Variants in ABRACL observed in about 807,000 individuals in gnomAD.
ABRACL encodes costars family protein ABRACL.
ABRACL carries 4 observed loss-of-function variants against 7.0 expected under a neutral mutation model. The ratio of observed to expected loss-of-function variants is 0.57; its 90% confidence interval spans 0.28 to 1.30. ABRACL has a LOEUF of 1.30. Among genes scored for constraint, ABRACL ranks in the 50% most tolerant of loss-of-function variants. ABRACL has a pLI of 0.10. For missense variants in ABRACL, 104 were observed against 97.3 expected (o/e 1.07, Z -0.29); for synonymous variants, 30 against 36.0 (o/e 0.83, Z 0.60).
intron 2 of ABRACL, among the ~76,000 whole-genome samples, chr6:139,040,663 A>G (rs1382271581): frequency 1.3e-5 from 2 of 152,186 alleles, no homozygotes; most frequent in Non-Finnish European, 2.9e-5. Flanking sequence ...ACAGAGTGTC[A>G]TGTAGGTAGA....
At position 139,042,741 on chromosome 6, in the gene ABRACL, G is replaced by A. The variant is rs1786271115; in HGVS notation, c.84G>A (p.Val28=). 2.5e-6 allele frequency: 4 copies of A among 1,611,010 alleles called. No homozygotes were observed. Among genetic ancestry groups the A allele is most frequent in the Non-Finnish European group, 3.4e-6 (4 of 1,178,842 alleles). ...GSKNADGKLS[V]KFGVLFRDDK... is the part of the protein sequence containing the mutation. Reference sequence around the variant, plus strand: ...TAGATGCTGATGGAAAGTTAAGCGTGAAATTTGGGGTCCTCTTCCGTGATG... The same window carrying A: ...TAGATGCTGATGGAAAGTTAAGCGTAAAATTTGGGGTCCTCTTCCGTGATG... Residue 28 remains valine, a synonymous_variant, in exon 3 of 3, where the codon GTG becomes GTA. Transcript: ENST00000367660.
intron 1 of ABRACL, among the ~76,000 whole-genome samples, chr6:139,029,794 C>G (rs1267111371): frequency 1.3e-5 from 2 of 152,268 alleles, no homozygotes; most frequent in East Asian, 1.9e-4. Flanking sequence ...GTGCCCAGCC[C>G]GAGTGTGTAA....
At chr6:139,032,122 G>A (rs1786091396) in intron 1 of ABRACL, among the ~76,000 whole-genome samples, 3 of 151,988 alleles carry the variant, frequency 2.0e-5, no homozygotes, top group African/African-American at 4.8e-5. Flanking sequence ...CACCACGCCC[G>A]GCTAATTTTT....
chr6:139,036,484 A>G (rs1485960945), intron 2 of ABRACL, among the ~76,000 whole-genome samples: 1 of 152,144 alleles, frequency 6.6e-6, no homozygotes, highest in Non-Finnish European at 1.5e-5. Context: ...AGTCGTCATT[A>G]CTGAAATGTA....
chr6:139,037,777 C>CT (rs35731074), intron 2 of ABRACL, among the ~76,000 whole-genome samples: 137 of 136,152 alleles, frequency 1.0e-3, no homozygotes, highest in Admixed American at 2.0e-3. Flanking sequence ...TTCTTTTTCT[C>CT]TTTTTTTTTT....
chr6:139,033,106 G>A (rs952202601), intron 1 of ABRACL, among the ~76,000 whole-genome samples: 1 of 152,252 alleles, frequency 6.6e-6, no homozygotes. Flanking sequence ...CTCCTGGAAG[G>A]AGGAATAGCT....
rs373580585 is a variant in ABRACL, at chr6:139,034,239, A to G, written c.61+18A>G. On this transcript the variant is annotated intron_variant, in intron 2 of 2. Coordinates refer to ENST00000367660, the MANE Select transcript of ABRACL (RefSeq NM_021243.3). ...TTCAAAAAGTAAGTATCTGACAGAG[A>G]TAGAGTATTTCTCCTGGCTTTACCT... The G allele has an allele frequency of 6.2e-6, 10 of 1,614,172 alleles. No individual in the cohort carries two copies. In the African/African-American group the frequency reaches 1.3e-4, roughly 22 times the overall value.
chr6:139,038,485 A>G (rs975392938), intron 2 of ABRACL, among the ~76,000 whole-genome samples: 6 of 152,230 alleles, frequency 3.9e-5, no homozygotes, highest in Middle Eastern at 3.2e-3. Context: ...GCTTTAGTCT[A>G]CATATGATGT....
chr6:139,035,695 C>A (rs1289184689), intron 2 of ABRACL, among the ~76,000 whole-genome samples: 1 of 149,920 alleles, frequency 6.7e-6, no homozygotes, highest in Non-Finnish European at 1.5e-5. Flanking sequence ...GTTGGCCAGG[C>A]TGGTCTTGAA....
At chr6:139,032,716 TTA>T (rs1786101005) in intron 1 of ABRACL, among the ~76,000 whole-genome samples, 1 of 152,220 alleles carries the variant, frequency 6.6e-6, no homozygotes. Context: ...TTTTGGTCTC[TTA>T]TATGATTTGA....
At chr6:139,030,757 G>T (rs768900361) in intron 1 of ABRACL, among the ~76,000 whole-genome samples, 1 of 152,124 alleles carries the variant, frequency 6.6e-6, no homozygotes, top group East Asian at 1.9e-4. Context: ...AAGAGGAAGC[G>T]GGGAAACAGC....
intron 1 of ABRACL, among the ~76,000 whole-genome samples, chr6:139,031,991 C>T (rs966796861): frequency 1.3e-5 from 2 of 151,174 alleles, no homozygotes; most frequent in African/African-American, 4.9e-5. Context: ...GACGGAGTCT[C>T]GCTCTGTCGC....
At chr6:139,039,163 T>C (rs58408126) in intron 2 of ABRACL, among the ~76,000 whole-genome samples, 18,933 of 151,620 alleles carry the variant, frequency 0.12, 1,930 homozygotes, top group East Asian at 0.5. Context: ...AGGCGGAGGT[T>C]GCAGTGAGCC....
chr6:139,030,020 C>A (rs1339147764), intron 1 of ABRACL, among the ~76,000 whole-genome samples: 1 of 152,010 alleles, frequency 6.6e-6, no homozygotes, highest in East Asian at 1.9e-4. Flanking sequence ...AAGCCGAAAT[C>A]GATTCTGCGA....
At chr6:139,031,398 G>T (rs1361201825) in intron 1 of ABRACL, among the ~76,000 whole-genome samples, 1 of 152,142 alleles carries the variant, frequency 6.6e-6, no homozygotes, top group Non-Finnish European at 1.5e-5. Flanking sequence ...ACATAAAAAA[G>T]AGCTTTAGTT....
intron 2 of ABRACL, among the ~76,000 whole-genome samples, chr6:139,034,942 T>TG (rs1486104539): frequency 1.3e-5 from 2 of 152,168 alleles, no homozygotes; most frequent in Non-Finnish European, 2.9e-5. Flanking sequence ...TGCAAGAATT[T>TG]GGGGGGCATT....
rs545582449 is a variant in ABRACL at position 139,034,399 on chromosome 6, G to A, written c.61+178G>A. 1,451 of 1,543,166 alleles carry A rather than the reference G, an allele frequency of 9.4e-4. 7 individuals are homozygous for A. The Middle Eastern group carries it at 0.015, about 16-fold the overall frequency. On this transcript the variant is annotated intron_variant, in intron 2 of 2. Transcript: ENST00000367660. Reference sequence around the variant, plus strand: ...GCCAGGAATTGACATCTGGAGACACGGGGCTTTTGGGGTATTGTGATTCTG... The same window carrying A: ...GCCAGGAATTGACATCTGGAGACACAGGGCTTTTGGGGTATTGTGATTCTG...
intron 2 of ABRACL, among the ~76,000 whole-genome samples, chr6:139,039,883 G>A (rs1334320677): frequency 6.6e-6 from 1 of 152,108 alleles, no homozygotes; most frequent in Non-Finnish European, 1.5e-5. Context: ...AGGCCAAGGC[G>A]GGAGGATTGT....
chr6:139,037,303 G>A (rs1381424842), intron 2 of ABRACL, among the ~76,000 whole-genome samples: 3 of 151,742 alleles, frequency 2.0e-5, no homozygotes, highest in African/African-American at 7.3e-5. Flanking sequence ...TCTGTTTCCC[G>A]GGCTGGAGTG....
Sources: allele counts gnomAD v4.1 joint callset (sites outside exome capture counted in the v4.1 genomes callset), GRCh38; gene constraint gnomAD v4.1.1; transcripts MANE v1.5; gene names NCBI Gene and HGNC (gene_info 2026-07-23, HGNC 2026-07-21).